The following CNBD2 variants were observed in gnomAD, a reference collection of about 807,000 sequenced individuals.
CNBD2 encodes the protein cyclic nucleotide-binding domain-containing protein 2.
A neutral mutation model predicts 63.7 loss-of-function variants in CNBD2; 64 were observed. The observed-to-expected ratio is 1.00, with a 90% confidence interval of 0.82 to 1.24. The LOEUF is 1.24. Among genes scored for constraint, CNBD2 ranks in the 50% most tolerant of loss-of-function variants. The pLI is 0.00. For missense variants in CNBD2, 691 were observed against 713.5 expected (o/e 0.97, Z 0.36); for synonymous variants, 229 against 255.4 (o/e 0.90, Z 0.99).
intron 8 of CNBD2, among the ~76,000 whole-genome samples, chr20:36,003,522 T>G (rs2056944718): frequency 6.6e-6 from 1 of 152,190 alleles, no homozygotes; most frequent in Non-Finnish European, 1.5e-5. Context: ...AACCATTTTG[T>G]GTATTTCAGA....
chr20:35,966,254 A>G (rs2056344131), upstream of CNBD2, among the ~76,000 whole-genome samples: 1 of 151,880 alleles, frequency 6.6e-6, no homozygotes, highest in Admixed American at 6.6e-5. Flanking sequence ...ATCTTTTCTC[A>G]TGGTATGGGG....
At position 35,984,145 on chromosome 20, in the gene CNBD2, C is replaced by A. The variant is rs2056634492; in HGVS notation, c.564+7C>A. ...CAAGGGTAGCTGTTTTGGGGTAAGCCCAGGGGAAGGACCCAGTTTCCTGGG... is the reference window on the plus strand; with the variant it reads ...CAAGGGTAGCTGTTTTGGGGTAAGCACAGGGGAAGGACCCAGTTTCCTGGG... On this transcript the variant is annotated splice_region_variant and intron_variant, in intron 5 of 11. Transcript: ENST00000373973. 6.3e-7 allele frequency: 1 copy of A among 1,589,376 alleles called. No homozygotes were observed. The highest frequency in any genetic ancestry group is 8.6e-7 in the Non-Finnish European group (1 of 1,167,470).
chr20:35,977,678 C>T (rs1178134802), intron 3 of CNBD2, among the ~76,000 whole-genome samples: 1 of 152,004 alleles, frequency 6.6e-6, no homozygotes, highest in Non-Finnish European at 1.5e-5. Context: ...ACCCTGTCCC[C>T]CTGCCCCCAA....
chr20:35,984,078 TG>T lies in CNBD2; in HGVS notation c.506del (p.Gly169AlafsTer6). 1 of 1,614,012 alleles carries T rather than the reference TG, an allele frequency of 6.2e-7. No homozygotes were observed. The highest frequency in any genetic ancestry group is 2.2e-5 in the East Asian group (1 of 44,880). ...GTVAITKDED[G>X]SSAFLDPHPK... Reference sequence around the variant, plus strand: ...CAGTTGCAATAACCAAGGACGAGGATGGCAGCAGTGCCTTCCTAGATCCCCA... The same window carrying T: ...CAGTTGCAATAACCAAGGACGAGGATGCAGCAGTGCCTTCCTAGATCCCCA... On this transcript the variant is annotated frameshift_variant, in exon 5 of 12. Coordinates refer to ENST00000373973, the MANE Select transcript of CNBD2 (RefSeq NM_001365709.1). LOFTEE classifies it high-confidence loss of function.
At chr20:36,004,187 A>G (rs2056953269) in intron 8 of CNBD2, among the ~76,000 whole-genome samples, 1 of 152,192 alleles carries the variant, frequency 6.6e-6, no homozygotes, top group Non-Finnish European at 1.5e-5. Flanking sequence ...GTATTACACA[A>G]GTGTGTGACT....
intron 4 of CNBD2, 69 bp downstream of exon 4, chr20:35,980,691 G>A: frequency 6.7e-7 from 1 of 1,481,544 alleles, no homozygotes; most frequent in Non-Finnish European, 9.3e-7. Context: ...TGGCTGAGAA[G>A]GTGTGGCAGG....
chr20:36,028,685 G>GTTTTTTTTTTTTTTTTT (rs148778050), intron 11 of CNBD2, among the ~76,000 whole-genome samples: 11 of 140,114 alleles, frequency 7.9e-5, no homozygotes, highest in African/African-American at 3.4e-4. Context: ...TCACGGGCTG[G>GTTTTTTTTTTTTTTTTT]TTTTTTTTGG....
In CNBD2 at chr20:36,003,540, A is replaced by G. The variant is rs180962872; in HGVS notation, c.971-4757A>G. Among the ~76,000 whole-genome samples the G allele has an allele frequency of 1.8e-3, 269 of 152,230 alleles. 1 individual carries two copies. Among genetic ancestry groups the G allele is most frequent in the African/African-American group, 6.4e-3 (266 of 41,546 alleles). On this transcript the variant is annotated intron_variant, in intron 8 of 11. Transcript: ENST00000373973. ...CATTTTGTGTATTTCAGAATGCCCC[A>G]TGACTTGAGAGGTTTTCTATTCTAG...
At chr20:35,977,134 GA>G (rs1054374506) in intron 3 of CNBD2, among the ~76,000 whole-genome samples, 1 of 152,190 alleles carries the variant, frequency 6.6e-6, no homozygotes, top group African/African-American at 2.4e-5. Flanking sequence ...GCCTATCTGA[GA>G]GCCACAGAAC....
At chr20:35,955,644 G>T (rs891327589), downstream of CNBD2, among the ~76,000 whole-genome samples, 1 of 152,214 alleles carries the variant, frequency 6.6e-6, no homozygotes, top group African/African-American at 2.4e-5. Context: ...AAATGTGGAT[G>T]TAATAGAACT....
rs1213330819 is a variant in CNBD2 at position 36,003,003 on chromosome 20, A to C, written c.971-5294A>C. On this transcript the variant is annotated intron_variant, in intron 8 of 11. Coordinates refer to ENST00000373973, the MANE Select transcript of CNBD2 (RefSeq NM_001365709.1). ...TATTCTTTTTTTTTTCCTCTGTGAC[A>C]TTTTGGATAGTTTCTATTGCTATGT... is the stretch of plus-strand genomic sequence containing the variant. Among the ~76,000 whole-genome samples the C allele has an allele frequency of 3.3e-5, 5 of 150,510 alleles. No individual in the cohort carries two copies. The East Asian group carries it at 9.8e-4, about 29-fold the overall frequency.
At chr20:35,995,605 C>A (rs1417540856) in intron 8 of CNBD2, among the ~76,000 whole-genome samples, 1 of 152,160 alleles carries the variant, frequency 6.6e-6, no homozygotes, top group Non-Finnish European at 1.5e-5. Context: ...TTTCTTCATT[C>A]TGTTTTATGG....
chr20:35,988,662 A>G (rs1180990715), intron 7 of CNBD2, among the ~76,000 whole-genome samples: 2 of 152,176 alleles, frequency 1.3e-5, no homozygotes, highest in East Asian at 1.9e-4. Flanking sequence ...GACCACTGCA[A>G]TGGAGTCTTG....
intron 6 of CNBD2, among the ~76,000 whole-genome samples, chr20:35,986,288 AT>A (rs1249370222): frequency 1.3e-5 from 2 of 151,964 alleles, no homozygotes; most frequent in African/African-American, 4.8e-5. Flanking sequence ...AGGTAGCTTC[AT>A]CCCCTGGAAA....
In CNBD2 at chr20:35,972,656, A is replaced by T; in HGVS notation, c.79A>T (p.Ile27Phe). The change falls in exon 2 of 12, where the codon ATC becomes TTC. Residue 27 changes from isoleucine to phenylalanine, a missense_variant. By Grantham distance (21) the Ile-to-Phe change is conservative. Transcript: ENST00000373973. The part of the protein sequence containing the change: ...LGLYQLAMDI[I>F]IMIRVCKMFR... Reference sequence around the variant, plus strand: ...ACTGTACCAGCTCGCCATGGATATCATCATAATGATCCGAGTGTGTAAAAT... The same window carrying T: ...ACTGTACCAGCTCGCCATGGATATCTTCATAATGATCCGAGTGTGTAAAAT... 1 of 1,614,134 alleles carries T rather than the reference A, an allele frequency of 6.2e-7. No individual in the cohort carries two copies. Among genetic ancestry groups the T allele is most frequent in the Non-Finnish European group, 8.5e-7 (1 of 1,179,994 alleles).
At chr20:35,966,578 T>C, upstream of CNBD2, among the ~76,000 whole-genome samples, 1 of 152,354 alleles carries the variant, frequency 6.6e-6, no homozygotes, top group East Asian at 1.9e-4. Flanking sequence ...ACTCCAGAGA[T>C]TTGAGTTCTA....
At chr20:36,005,645 A>G (rs1320512287) in intron 8 of CNBD2, among the ~76,000 whole-genome samples, 1 of 152,076 alleles carries the variant, frequency 6.6e-6, no homozygotes, top group African/African-American at 2.4e-5. Flanking sequence ...ACTTGGATTT[A>G]TTCCCATTAA....
intron 11 of CNBD2, among the ~76,000 whole-genome samples, chr20:36,026,909 CA>C (rs2057288948): frequency 6.6e-6 from 1 of 152,228 alleles, no homozygotes; most frequent in Non-Finnish European, 1.5e-5. Context: ...TTCAGGAAGG[CA>C]AGGCTGTGCT....
At chr20:35,991,063 T>C (rs1482137180) in intron 7 of CNBD2, among the ~76,000 whole-genome samples, 3 of 152,218 alleles carry the variant, frequency 2.0e-5, no homozygotes, top group Non-Finnish European at 4.4e-5. Flanking sequence ...TAATATAATT[T>C]ATGTGAGGGT....
Sources: allele counts gnomAD v4.1 joint callset (sites outside exome capture counted in the v4.1 genomes callset), GRCh38; gene constraint gnomAD v4.1.1; transcripts MANE v1.5; gene names NCBI Gene and HGNC (gene_info 2026-07-23, HGNC 2026-07-21).